BABAM2: variants seen among roughly 807,000 people sequenced by gnomAD.
The protein encoded by BABAM2 is BRISC and BRCA1-A complex member 2.
Under a neutral mutation model 54.7 loss-of-function variants are expected in BABAM2, and 31 were observed. The observed-to-expected ratio is 0.57, with a 90% CI of 0.43 to 0.77. The LOEUF (loss-of-function observed/expected upper bound fraction) is 0.77, where lower values mean the gene tolerates loss of function less well. BABAM2 is among the 30% of genes least tolerant of loss of function. The pLI is 0.00. For synonymous variants in BABAM2, 167 were observed against 162.9 expected (o/e 1.03, Z -0.19); for missense variants, 364 against 455.8 (o/e 0.80, Z 1.83).
chr2:28,288,077 C>T (rs1317164290), intron 10 of BABAM2, among the ~76,000 whole-genome samples: 1 of 152,132 alleles, frequency 6.6e-6, no homozygotes, highest in Non-Finnish European at 1.5e-5. Context: ...CTTGGGAGCA[C>T]AGGTTGGAAG....
Position 28,244,635 on chromosome 2 carries a change from T to C in BABAM2, c.852-145T>C, listed in dbSNP as rs773874951. On this transcript the variant is annotated intron_variant, in intron 9 of 11. Coordinates refer to ENST00000379624, the MANE Select transcript of BABAM2 (RefSeq NM_199191.3). ...GTCATTCCAAACCCCAGGCCCTTCC[T>C]GCATTAATCCTCACTTGCCTTAAAC... 2.0e-4 allele frequency: 136 copies of C among 665,420 alleles called. No individual in the cohort carries two copies. In the Middle Eastern group the frequency reaches 6.4e-3, roughly 31 times the overall value. The allele number at this position is 665,420 out of a possible 1,614,324, so 41.2% of individuals were successfully genotyped here.
intron 3 of BABAM2, among the ~76,000 whole-genome samples, chr2:27,962,238 T>A (rs1346340418): frequency 6.6e-6 from 1 of 152,194 alleles, no homozygotes; most frequent in Non-Finnish European, 1.5e-5. Context: ...CTCAAGTTTC[T>A]GGGATTACTG....
intron 6 of BABAM2, among the ~76,000 whole-genome samples, chr2:28,112,151 C>CTTTCTTTCTTTTTCTTTCTT (rs1261759583): frequency 1.0e-4 from 2 of 19,606 alleles, no homozygotes; most frequent in African/African-American, 4.5e-4. Context: ...CTTTCTTTAC[C>CTTTCTTTCTTTTTCTTTCTT]TCCCTCCCTC....
In BABAM2 at chr2:28,304,156, A is replaced by G. The variant is rs1219871150; in HGVS notation, c.1088+5665A>G. Reference sequence around the variant, plus strand: ...CCGCAACCTCCACCTCCCAGGTTCAAGTGATTGTCCTGTCTCAGCCTTCCT... The same window carrying G: ...CCGCAACCTCCACCTCCCAGGTTCAGGTGATTGTCCTGTCTCAGCCTTCCT... On this transcript the variant is annotated intron_variant, in intron 11 of 11. Coordinates refer to ENST00000379624, the MANE Select transcript of BABAM2 (RefSeq NM_199191.3). The surrounding 1 kb of genome is among the most constrained non-coding windows in gnomAD (Gnocchi z 4.0). Among the ~76,000 whole-genome samples the G allele has an allele frequency of 6.6e-6, 1 of 151,898 alleles. No individual in the cohort carries two copies. Among genetic ancestry groups the G allele is most frequent in the Non-Finnish European group, 1.5e-5 (1 of 67,932 alleles).
intron 7 of BABAM2, among the ~76,000 whole-genome samples, chr2:28,173,316 A>G (rs1674563997): frequency 6.6e-6 from 1 of 152,138 alleles, no homozygotes; most frequent in African/African-American, 2.4e-5. Context: ...AAGTGATTTT[A>G]TTTACCTTTT....
intron 7 of BABAM2, among the ~76,000 whole-genome samples, chr2:28,140,287 G>T (rs538218642): frequency 6.6e-6 from 1 of 152,096 alleles, no homozygotes; most frequent in Non-Finnish European, 1.5e-5. Context: ...GGTAGCTTAA[G>T]GTTATAAAAC....
At chr2:28,318,889 G>A (rs566777227) in intron 11 of BABAM2, among the ~76,000 whole-genome samples, 2 of 152,190 alleles carry the variant, frequency 1.3e-5, no homozygotes, top group African/African-American at 2.4e-5. Context: ...TGGCAGGAAA[G>A]GGAGCCAAAT....
At chr2:27,931,614 A>C (rs1297827188) in intron 3 of BABAM2, among the ~76,000 whole-genome samples, 1 of 151,604 alleles carries the variant, frequency 6.6e-6, no homozygotes, top group Non-Finnish European at 1.5e-5. Flanking sequence ...ATTTTTACTT[A>C]CTTTTTTTAA....
chr2:27,952,817 C>T (rs1450541053), intron 3 of BABAM2, among the ~76,000 whole-genome samples: 2 of 152,182 alleles, frequency 1.3e-5, no homozygotes, highest in East Asian at 1.9e-4. Context: ...AATTAAAAAG[C>T]AAGACTTCTG....
intron 6 of BABAM2, among the ~76,000 whole-genome samples, chr2:28,103,945 G>C (rs1342249706): frequency 6.6e-6 from 1 of 151,924 alleles, no homozygotes; most frequent in Non-Finnish European, 1.5e-5. Flanking sequence ...TTTCTTTCCA[G>C]TTTTAGCTAA....
chr2:28,261,217 C>T (rs913634266), intron 10 of BABAM2, among the ~76,000 whole-genome samples: 14 of 152,032 alleles, frequency 9.2e-5, no homozygotes, highest in Admixed American at 7.9e-4. Context: ...GCTGGGATTA[C>T]GGGCATGAGC....
At chr2:28,219,082 T>C (rs2148007945) in intron 7 of BABAM2, among the ~76,000 whole-genome samples, 1 of 152,348 alleles carries the variant, frequency 6.6e-6, no homozygotes, top group South Asian at 2.1e-4. Flanking sequence ...CTTACACTTC[T>C]GTAGAACAGA....
chr2:27,903,719 A>G (rs1665985784), intron 2 of BABAM2, among the ~76,000 whole-genome samples: 1 of 152,186 alleles, frequency 6.6e-6, no homozygotes, highest in South Asian at 2.1e-4. Context: ...GTTTCAACTG[A>G]GCACGTAGCA....
intron 7 of BABAM2, among the ~76,000 whole-genome samples, chr2:28,216,382 C>T (rs1679917016): frequency 6.6e-6 from 1 of 152,114 alleles, no homozygotes; most frequent in Non-Finnish European, 1.5e-5. Flanking sequence ...AAATTGGGTA[C>T]TTCTTGTACT....
chr2:28,108,874 T>C (rs1667748636), intron 6 of BABAM2, among the ~76,000 whole-genome samples: 2 of 152,196 alleles, frequency 1.3e-5, no homozygotes, highest in African/African-American at 4.8e-5. Flanking sequence ...AGTCATGGGT[T>C]TTGGTTTCAT....
intron 3 of BABAM2, among the ~76,000 whole-genome samples, chr2:27,977,590 A>G (rs1323177869): frequency 1.3e-5 from 2 of 152,194 alleles, no homozygotes; most frequent in African/African-American, 2.4e-5. Context: ...TTAACTTACA[A>G]TGCCATTTAT....
intron 4 of BABAM2, among the ~76,000 whole-genome samples, chr2:28,003,479 A>C (rs1394173963): frequency 6.6e-6 from 1 of 152,140 alleles, no homozygotes; most frequent in Non-Finnish European, 1.5e-5. Context: ...TAATTGCACT[A>C]CTTGGGAGGC....
intron 11 of BABAM2, among the ~76,000 whole-genome samples, chr2:28,317,951 G>C (rs567364418): frequency 6.6e-6 from 1 of 152,336 alleles, no homozygotes; most frequent in African/African-American, 2.4e-5. Context: ...TTGATATGTA[G>C]GTTGTCTTTC....
chr2:28,185,227 G>A (rs1346386838), intron 7 of BABAM2, among the ~76,000 whole-genome samples: 1 of 152,058 alleles, frequency 6.6e-6, no homozygotes, highest in African/African-American at 2.4e-5. Context: ...ATTTATAGCA[G>A]AACAAAACTC....
Sources: gnomAD v4.1 joint callset for allele counts (sites outside exome capture counted in the v4.1 genomes callset) on GRCh38, gnomAD v4.1.1 for gene constraint, Gnocchi (gnomAD v3.1) non-coding constraint, MANE v1.5 for transcripts, NCBI Gene and HGNC (gene_info 2026-07-23, HGNC 2026-07-21) for gene names.